The following DNAJC13 variants were observed in gnomAD, a reference collection of about 807,000 sequenced individuals.
DNAJC13 encodes the protein DnaJ heat shock protein family (Hsp40) member C13, also known as dnaJ homolog subfamily C member 13.
In DNAJC13, 75 loss-of-function variants were observed where a neutral mutation model predicts 290.5. The observed-to-expected ratio is 0.26, with a 90% CI of 0.21 to 0.31. DNAJC13 has a LOEUF of 0.31. Among genes scored for constraint, DNAJC13 ranks in the 10% least tolerant of loss-of-function variants. DNAJC13 has a pLI of 1.00. For missense variants in DNAJC13, 2,260 were observed against 2,674.5 expected, an observed-to-expected ratio of 0.85 and a Z score of 3.42; for synonymous variants, 862 against 892.0, an observed-to-expected ratio of 0.97 and a Z score of 0.60.
chr3:132,465,042 T>A (rs1933929298), intron 17 of DNAJC13, among the ~76,000 whole-genome samples: 1 of 152,126 alleles, frequency 6.6e-6, no homozygotes, highest in Non-Finnish European at 1.5e-5. Context: ...TTTTTAGGAG[T>A]CACTGATATG....
rs1180945913 is a variant in DNAJC13, at chr3:132,488,451, C to T, written c.3421C>T (p.Arg1141Ter). The change falls in exon 30 of 56, where the codon CGA (arginine) becomes TGA (stop). Residue 1141 changes from arginine (R) to a stop codon, truncating the protein, a stop_gained and splice_region_variant. Coordinates refer to ENST00000260818, the MANE Select transcript of DNAJC13 (RefSeq NM_015268.4). LOFTEE classifies it high-confidence loss of function. ...YTGSNVLPVA[R>*]FLKYTHTKQA... Reference sequence around the variant, plus strand: ...AGGTTCCAATGTGCTTCCTGTTGCTCGGTAAGAACTTTAAGGGTAATCTAT... The same window carrying T: ...AGGTTCCAATGTGCTTCCTGTTGCTTGGTAAGAACTTTAAGGGTAATCTAT... 2.5e-6 allele frequency: 4 copies of T among 1,605,164 alleles called. No individual in the cohort carries two copies. The highest frequency in any genetic ancestry group is 1.7e-5 in the Admixed American group (1 of 58,614).
intron 55 of DNAJC13, among the ~76,000 whole-genome samples, chr3:132,536,386 C>G (rs946503564): frequency 6.6e-6 from 1 of 152,126 alleles, no homozygotes; most frequent in Admixed American, 6.5e-5. Context: ...AGACCCCCAT[C>G]TGTTAAATAC....
At position 132,505,366 on chromosome 3, in the gene DNAJC13, C is replaced by T. The variant is rs748306587; in HGVS notation, c.4949C>T (p.Ala1650Val). ...TTGATATGGAACAATTCTACAAGAG[C>T]AGAATTACTTGAATTTCTTGAATCC... ...PYLIWNNSTR[A>V]ELLEFLESQQ... The change falls in exon 42 of 56, where the codon GCA (alanine) becomes GTA (valine). Residue 1650 changes from alanine (A) to valine (V), a missense_variant. Ala to Val is a moderately conservative substitution (Grantham distance 64, BLOSUM62 0). Around this residue, in one of 3 missense-constraint regions of DNAJC13, gnomAD observed 1,494 missense variants for 1,693.7 expected, o/e 0.88. Coordinates refer to ENST00000260818, the MANE Select transcript of DNAJC13 (RefSeq NM_015268.4). 1 of 1,610,306 alleles carries T rather than the reference C, an allele frequency of 6.2e-7. No homozygotes were observed. Among genetic ancestry groups the T allele is most frequent in the Non-Finnish European group, 8.5e-7 (1 of 1,178,126 alleles).
chr3:132,453,290 T>A lies in DNAJC13; in HGVS notation c.538-8T>A, dbSNP rs759260242. The stretch of plus-strand genomic sequence containing the variant: ...ACTCTGACTTTTTAAATTTCTAAAT[T>A]TGTGCAGCATTTATTTGCGTCAGAG... On this transcript the variant is annotated splice_polypyrimidine_tract_variant and splice_region_variant and intron_variant, in intron 6 of 55. Transcript: ENST00000260818. 1.2e-6 allele frequency: 2 copies of A among 1,610,912 alleles called. No homozygotes were observed. The highest frequency in any genetic ancestry group is 3.4e-5 in the Admixed American group (2 of 59,682).
intron 48 of DNAJC13, among the ~76,000 whole-genome samples, chr3:132,522,188 G>A (rs188221451): frequency 1.1e-3 from 161 of 152,216 alleles, no homozygotes; most frequent in African/African-American, 3.7e-3. Flanking sequence ...AATTTGACAC[G>A]GAGAAGAGAT....
chr3:132,536,449 G>C (rs1015047280), intron 55 of DNAJC13, among the ~76,000 whole-genome samples: 2 of 152,102 alleles, frequency 1.3e-5, no homozygotes, highest in Non-Finnish European at 2.9e-5. Flanking sequence ...AATGCCCCAG[G>C]GTGCCTCAGC....
rs139480426 is a variant in DNAJC13 at position 132,500,821 on chromosome 3, A to C, written c.4444A>C (p.Ser1482Arg). The change falls in exon 39 of 56, where the codon AGT (serine) becomes CGT (arginine). Residue 1482 changes from serine to arginine, a missense_variant. Coordinates refer to ENST00000260818, the MANE Select transcript of DNAJC13 (RefSeq NM_015268.4). ...GTGTGGATACATAAGTAAATGCTAC[A>C]GTGTGGCTGCTCAGTTTGAGGAATG... ...QVCGYISKCY[S>R]VAAQFEECRE... 2.8e-5 allele frequency: 45 copies of C among 1,613,958 alleles called. No homozygotes were observed. The highest frequency in any genetic ancestry group is 3.1e-5 in the Non-Finnish European group (36 of 1,179,964).
intron 25 of DNAJC13, among the ~76,000 whole-genome samples, chr3:132,479,969 C>T (rs1487226353): frequency 6.8e-6 from 1 of 147,408 alleles, no homozygotes; most frequent in African/African-American, 2.4e-5. Context: ...AAGAAATTAC[C>T]AGTTAAGTTT....
chr3:132,467,382 T>C (rs1196353406), intron 20 of DNAJC13, 69 bp downstream of exon 20: 1 of 1,509,642 alleles, frequency 6.6e-7, no homozygotes. Flanking sequence ...GTTCCTGCTG[T>C]TCACAGAGAT....
At chr3:132,469,180 G>A (rs897165868) in intron 20 of DNAJC13, among the ~76,000 whole-genome samples, 12 of 152,178 alleles carry the variant, frequency 7.9e-5, no homozygotes, top group African/African-American at 2.7e-4. Context: ...ATTTTTAACA[G>A]TAATTTCTTT....
chr3:132,455,665 C>CTAAT (rs1361102365), intron 9 of DNAJC13, among the ~76,000 whole-genome samples: 1 of 152,140 alleles, frequency 6.6e-6, no homozygotes, highest in Non-Finnish European at 1.5e-5. Flanking sequence ...AAGGACTGAC[C>CTAAT]TAATACATGC....
In DNAJC13 at chr3:132,503,308, C is replaced by T; in HGVS notation, c.4811C>T (p.Thr1604Ile). Reference sequence around the variant, plus strand: ...GAACAAGCAACTCCAGAAAATCCAACCATAAGGAAAAGCTTAGCTGGCATG... The same window carrying T: ...GAACAAGCAACTCCAGAAAATCCAATCATAAGGAAAAGCTTAGCTGGCATG... ...AEEQATPENP[T>I]IRKSLAGMLT... The change falls in exon 41 of 56, where the codon ACC (threonine) becomes ATC (isoleucine). Residue 1604 changes from threonine (T) to isoleucine (I), a missense_variant. By Grantham distance (89) the Thr-to-Ile change is moderately conservative. This residue lies in a region of DNAJC13 where 1,494 missense variants were observed against 1,693.7 expected (regional missense o/e 0.88). Transcript: ENST00000260818. The T allele has an allele frequency of 6.2e-7, 1 of 1,614,086 alleles. No homozygotes were observed. Among genetic ancestry groups the T allele is most frequent in the South Asian group, 1.1e-5 (1 of 91,080 alleles).
chr3:132,507,284 T>C lies in DNAJC13; in HGVS notation c.5046T>C (p.His1682=). ...GATCAGAATTTGTCTACAGTGATCA[T>C]GCCAAAGAACTTATTGTAGGGGAGA... ...TYGSEFVYSD[H]AKELIVGEIF... Residue 1682 remains histidine (H), a synonymous_variant, in exon 43 of 56, where the codon CAT becomes CAC. Coordinates refer to ENST00000260818, the MANE Select transcript of DNAJC13 (RefSeq NM_015268.4). 1.3e-5 allele frequency: 21 copies of C among 1,613,658 alleles called. No homozygotes were observed. The highest frequency in any genetic ancestry group is 1.8e-5 in the Non-Finnish European group (21 of 1,179,666).
chr3:132,538,280 T>G lies in DNAJC13; in HGVS notation c.6730T>G (p.Ter2244GlyextTer7). 1 of 1,612,946 alleles carries G rather than the reference T, an allele frequency of 6.2e-7. No individual in the cohort carries two copies. Among genetic ancestry groups the G allele is most frequent in the Non-Finnish European group, 8.5e-7 (1 of 1,179,524 alleles). The change falls in exon 56 of 56, where the codon TGA (stop) becomes GGA (glycine). Residue 2244 changes from the stop codon to glycine, a stop_lost. Coordinates refer to ENST00000260818, the MANE Select transcript of DNAJC13 (RefSeq NM_015268.4). ...GGCAGGCGACCTTGGCTATCAGACT[T>G]GAAATATTCACGAGAGACAATAAAC... The part of the protein sequence containing the change: ...HEAGDLGYQT[*>G]
chr3:132,422,228 G>T (rs1166690371), intron 1 of DNAJC13, among the ~76,000 whole-genome samples: 1 of 151,310 alleles, frequency 6.6e-6, no homozygotes, highest in Non-Finnish European at 1.5e-5. Context: ...GTAGAGACGA[G>T]GTCTCACTAT....
intron 55 of DNAJC13, among the ~76,000 whole-genome samples, chr3:132,535,092 C>T (rs1936548798): frequency 6.6e-6 from 1 of 152,224 alleles, no homozygotes. Context: ...ACACACATCA[C>T]CAACCCTTTC....
chr3:132,470,940 GCTC>G (rs1934214049), intron 20 of DNAJC13, among the ~76,000 whole-genome samples: 3 of 120,708 alleles, frequency 2.5e-5, no homozygotes, highest in African/African-American at 9.3e-5. Flanking sequence ...GGGCAGAGGG[GCTC>G]CTCACTTCCC....
intron 17 of DNAJC13, 46 bp from the exon 18 acceptor site, chr3:132,465,949 A>G (rs763836503): frequency 7.3e-7 from 1 of 1,363,104 alleles, no homozygotes; most frequent in Non-Finnish European, 1.0e-6. Flanking sequence ...TTTCTGTTCT[A>G]GCTGAGATAA....
intron 48 of DNAJC13, among the ~76,000 whole-genome samples, chr3:132,520,642 T>A (rs901618701): frequency 3.3e-5 from 5 of 152,220 alleles, no homozygotes; most frequent in Admixed American, 3.3e-4. Flanking sequence ...GTGCCTTTTT[T>A]AAAAGTATCA....
Sources: allele counts gnomAD v4.1 joint callset (sites outside exome capture counted in the v4.1 genomes callset), GRCh38; gene constraint gnomAD v4.1.1; regional missense constraint gnomAD v4.1.1; transcripts MANE v1.5; gene names NCBI Gene and HGNC (gene_info 2026-07-23, HGNC 2026-07-21).